SOX6: variants seen among roughly 807,000 people sequenced by gnomAD.
The protein encoded by SOX6 is transcription factor SOX-6.
SOX6 carries 11 observed loss-of-function variants against 97.8 expected under a neutral mutation model. The ratio of observed to expected loss-of-function variants is 0.11; its 90% CI spans 0.07 to 0.19. The LOEUF (loss-of-function observed/expected upper bound fraction) is 0.19, where lower values mean the gene tolerates loss of function less well. SOX6 is among the 10% of genes least tolerant of loss of function. SOX6 has a pLI of 1.00. For missense variants in SOX6, 810 were observed against 1,039.5 expected, an observed-to-expected ratio of 0.78 and a Z score of 3.04; for synonymous variants, 360 against 371.4, an observed-to-expected ratio of 0.97 and a Z score of 0.35.
chr11:16,319,195 A>G (rs1461077109), intron 2 of SOX6, among the ~76,000 whole-genome samples: 1 of 152,160 alleles, frequency 6.6e-6, no homozygotes, highest in African/African-American at 2.4e-5. Flanking sequence ...TCAGTGCCAG[A>G]AAGTTAGCCA....
chr11:16,724,881 G>A (rs1432703700), intron 2 of SOX6, among the ~76,000 whole-genome samples: 2 of 152,152 alleles, frequency 1.3e-5, no homozygotes, highest in Non-Finnish European at 2.9e-5. Flanking sequence ...GCAATGATGT[G>A]GAGAAATTGA....
chr11:16,724,169 G>A (rs146517626), intron 2 of SOX6, among the ~76,000 whole-genome samples: 85 of 152,238 alleles, frequency 5.6e-4, no homozygotes, highest in African/African-American at 1.5e-3. Flanking sequence ...TTTCTTGGAG[G>A]TAAGCATCCC....
intron 1 of SOX6, among the ~76,000 whole-genome samples, chr11:16,474,354 C>T (rs547873078): frequency 2.6e-5 from 4 of 152,280 alleles, no homozygotes; most frequent in African/African-American, 9.6e-5. Context: ...TTTCAATTTA[C>T]GTTGCCCAGA....
chr11:16,624,105 T>G (rs566640327), intron 3 of SOX6, among the ~76,000 whole-genome samples: 1 of 152,328 alleles, frequency 6.6e-6, no homozygotes, highest in South Asian at 2.1e-4. Flanking sequence ...CTCTTGAATA[T>G]AGCTTTGTTT....
chr11:16,005,993 A>G (rs535789096), intron 13 of SOX6, among the ~76,000 whole-genome samples: 10 of 152,048 alleles, frequency 6.6e-5, no homozygotes, highest in Non-Finnish European at 1.5e-4. Flanking sequence ...CTCCTAAGTG[A>G]GAGGCAAAAG....
At chr11:16,602,554 T>C (rs1346264268) in intron 4 of SOX6, among the ~76,000 whole-genome samples, 3 of 152,168 alleles carry the variant, frequency 2.0e-5, no homozygotes, top group East Asian at 3.8e-4. Context: ...TGCTCACATA[T>C]GTGTATTCAA....
chr11:16,632,860 G>A lies in SOX6; in HGVS notation n.430-20600C>T, dbSNP rs538426130. Among the ~76,000 whole-genome samples the A allele has an allele frequency of 6.6e-5, 10 of 152,344 alleles. 1 individual carries two copies. The South Asian group carries it at 2.1e-3, about 32-fold the overall frequency. ...TGCACAGGAGGAGCGGAGTGGCTCA[G>A]GCTTCTGAACCAGGCAAGCAGATCC... On this transcript the variant is annotated intron_variant and non_coding_transcript_variant, in intron 3 of 5. Transcript: ENST00000524520.
intron 4 of SOX6, among the ~76,000 whole-genome samples, chr11:16,195,514 T>C (rs1248831632): frequency 6.6e-6 from 1 of 152,204 alleles, no homozygotes; most frequent in African/African-American, 2.4e-5. Context: ...GTTTACAAAA[T>C]AAGGCAAAAA....
chr11:16,038,204 T>C (rs745475545), intron 12 of SOX6, among the ~76,000 whole-genome samples: 2 of 152,174 alleles, frequency 1.3e-5, no homozygotes, highest in Non-Finnish European at 1.5e-5. Flanking sequence ...GTCTTGAGCA[T>C]CCAGGAATTT....
At chr11:16,040,831 A>G (rs1229091588) in intron 12 of SOX6, among the ~76,000 whole-genome samples, 2 of 152,092 alleles carry the variant, frequency 1.3e-5, no homozygotes, top group Non-Finnish European at 2.9e-5. Flanking sequence ...GACATCCCTG[A>G]ATTTGGAAAG....
intron 3 of SOX6, chr11:16,314,510 T>C (rs2134295050): frequency 6.6e-6 from 1 of 152,332 alleles, no homozygotes; most frequent in South Asian, 2.1e-4. Flanking sequence ...TACTGGAATA[T>C]GAATTATTAA....
At chr11:16,091,839 C>A (rs1449167554) in intron 9 of SOX6, among the ~76,000 whole-genome samples, 3 of 151,930 alleles carry the variant, frequency 2.0e-5, no homozygotes, top group Non-Finnish European at 2.9e-5. Flanking sequence ...TTATACAATT[C>A]TTTCATTTAG....
chr11:16,193,291 G>A (rs1851678860), intron 4 of SOX6, among the ~76,000 whole-genome samples: 1 of 152,224 alleles, frequency 6.6e-6, no homozygotes, highest in South Asian at 2.1e-4. Flanking sequence ...AGCATCTCTT[G>A]AGACCAGGAG....
intron 1 of SOX6, among the ~76,000 whole-genome samples, chr11:16,462,894 A>G (rs928017403): frequency 1.3e-4 from 20 of 152,226 alleles, no homozygotes; most frequent in Admixed American, 3.9e-4. Context: ...TGAGTAGGAG[A>G]AACAGAAACC....
intron 1 of SOX6, among the ~76,000 whole-genome samples, chr11:16,441,148 A>C (rs1007180264): frequency 5.3e-5 from 8 of 152,242 alleles, no homozygotes; most frequent in African/African-American, 1.7e-4. Context: ...ATCTCTCCTC[A>C]GGTACCACCT....
chr11:16,393,924 G>A (rs1858265791), intron 1 of SOX6, among the ~76,000 whole-genome samples: 2 of 151,844 alleles, frequency 1.3e-5, no homozygotes, highest in South Asian at 2.1e-4. Flanking sequence ...GGAGTGCAGG[G>A]GTGAGGTGAA....
At chr11:16,250,117 A>C (rs1449934433) in intron 3 of SOX6, among the ~76,000 whole-genome samples, 3 of 152,096 alleles carry the variant, frequency 2.0e-5, no homozygotes, top group Non-Finnish European at 2.9e-5. Context: ...TACCAGCATT[A>C]CCACCTGAGC....
At chr11:16,083,289 G>A (rs1431640971) in intron 9 of SOX6, among the ~76,000 whole-genome samples, 3 of 152,138 alleles carry the variant, frequency 2.0e-5, no homozygotes, top group Admixed American at 2.0e-4. Context: ...ATACTACAGA[G>A]TAGGCACTTA....
At chr11:16,056,006 A>T in intron 9 of SOX6, 105 bp from the exon 10 acceptor site, 2 of 1,303,832 alleles carry the variant, frequency 1.5e-6, no homozygotes, top group Non-Finnish European at 2.1e-6. Flanking sequence ...CAGCCTTGTA[A>T]TTTCTTTTTC....
Sources: gnomAD v4.1 joint callset for allele counts (sites outside exome capture counted in the v4.1 genomes callset) on GRCh38, gnomAD v4.1.1 for gene constraint, MANE v1.5 for transcripts, NCBI Gene and HGNC (gene_info 2026-07-23, HGNC 2026-07-21) for gene names.